Variants in ARAP1 observed in about 807,000 individuals in gnomAD.
ARAP1 encodes ArfGAP with RhoGAP domain, ankyrin repeat and PH domain 1.
ARAP1 carries 76 observed loss-of-function variants against 172.2 expected under a neutral mutation model. The observed-to-expected ratio is 0.44, with a 90% CI of 0.37 to 0.53. The LOEUF (loss-of-function observed/expected upper bound fraction) is 0.53. Ranked by LOEUF, ARAP1 falls within the 20% of genes least tolerant of loss-of-function variation. ARAP1 has a pLI of 0.00. For synonymous variants in ARAP1, 804 were observed against 803.3 expected, an observed-to-expected ratio of 1.00 and a Z score of -0.01; for missense variants, 1,686 against 1,977.5, an observed-to-expected ratio of 0.85 and a Z score of 2.80.
intron 1 of ARAP1, among the ~76,000 whole-genome samples, chr11:72,751,644 G>A (rs1387616952): frequency 6.6e-6 from 1 of 152,036 alleles, no homozygotes; most frequent in Admixed American, 6.5e-5. Flanking sequence ...AGGCTCCCCA[G>A]GATATGGGAT....
Position 72,735,027 on chromosome 11 carries a change from C to T in ARAP1, c.-127-2430G>A, listed in dbSNP as rs553136613. Among the ~76,000 whole-genome samples, 3 of 152,208 alleles carry T rather than the reference C, an allele frequency of 2.0e-5. No individual in the cohort carries two copies. In the East Asian group the frequency reaches 5.8e-4, roughly 30 times the overall value. The stretch of plus-strand genomic sequence containing the variant: ...ACAGGGTCTCGCTCTGTCACCCAGG[C>T]TGGAGTGCAGTGGCACAATCTCTGC... On this transcript the variant is annotated intron_variant, in intron 1 of 34. Coordinates refer to ENST00000393609, the MANE Select transcript of ARAP1 (RefSeq NM_001040118.3).
chr11:72,694,223 G>A (rs1856073367), intron 27 of ARAP1, among the ~76,000 whole-genome samples: 1 of 151,734 alleles, frequency 6.6e-6, no homozygotes, highest in Non-Finnish European at 1.5e-5. Flanking sequence ...CCTTCTCCTT[G>A]GACGAAACCA....
At chr11:72,700,079 A>ACT (rs1856409694) in intron 16 of ARAP1, 1 of 162,746 alleles carries the variant, frequency 6.1e-6, no homozygotes, top group Non-Finnish European at 1.4e-5. Flanking sequence ...GCTCTGAAGG[A>ACT]CTGGCAAGGT....
At chr11:72,712,693 T>C in intron 5 of ARAP1, 125 bp from the exon 6 acceptor site, 1 of 1,460,006 alleles carries the variant, frequency 6.8e-7, no homozygotes, top group Non-Finnish European at 9.4e-7. Context: ...TTAGTTCTGT[T>C]TCCTCACACT....
rs1240095492 is a variant in ARAP1 at position 72,699,770 on chromosome 11, CAG to C, written c.2303-220_2303-219del. 6.6e-6 allele frequency among the ~76,000 whole-genome samples: 1 copy of C among 152,196 alleles called. No homozygotes were observed. Among genetic ancestry groups the C allele is most frequent in the Non-Finnish European group, 1.5e-5 (1 of 68,036 alleles). ...TCTGCAGCAGCCCCTTCCAAAATCC[CAG>C]AGTGATCTAGCTAAAATCAGACCCC... On this transcript the variant is annotated intron_variant, in intron 16 of 34. Coordinates refer to ENST00000393609, the MANE Select transcript of ARAP1 (RefSeq NM_001040118.3). This position sits in a 1 kb window ranked among gnomAD's most constrained non-coding sequence, Gnocchi z 4.2.
rs900222960 is a variant in ARAP1 at position 72,696,473 on chromosome 11, G to A, written c.3272+76C>T. ...AAAAGCCCAGCTGGCTCCCAGAGGA[G>A]GGTAGTCAGCCAGGGTGGGGGTAGA... On this transcript the variant is annotated intron_variant, in intron 23 of 34. Transcript: ENST00000393609. 1.7e-5 allele frequency: 21 copies of A among 1,214,634 alleles called. No individual in the cohort carries two copies. The Admixed American group carries it at 5.8e-4, about 33-fold the overall frequency. The allele number at this position is 1,214,634 out of a possible 1,614,324, so 75.2% of individuals were successfully genotyped here. A position where few individuals can be genotyped will look rare whatever the true frequency, so the allele number is the denominator to read the frequency against.
intron 1 of ARAP1, among the ~76,000 whole-genome samples, chr11:72,750,050 T>C (rs1323114979): frequency 6.6e-6 from 1 of 152,154 alleles, no homozygotes; most frequent in Non-Finnish European, 1.5e-5. Flanking sequence ...GGTCTCTAAG[T>C]GTCCATGGCC....
chr11:72,685,737 C>T (rs1671118668), intron 34 of ARAP1, 56 bp from the exon 35 acceptor site: 2 of 1,610,630 alleles, frequency 1.2e-6, no homozygotes, highest in Non-Finnish European at 8.5e-7. Flanking sequence ...GGGGCTGGCG[C>T]CCCGCTGAAG....
chr11:72,727,825 A>G lies in ARAP1; in HGVS notation c.-44-653T>C, dbSNP rs79341755. On this transcript the variant is annotated intron_variant, in intron 2 of 34. Coordinates refer to ENST00000393609, the MANE Select transcript of ARAP1 (RefSeq NM_001040118.3). Reference sequence around the variant, plus strand: ...CCATTCATCCATTTGTTCTTTCAAAATAGCCTGGCACTAGGCAATGGGGAC... The same window carrying G: ...CCATTCATCCATTTGTTCTTTCAAAGTAGCCTGGCACTAGGCAATGGGGAC... Among the ~76,000 whole-genome samples the G allele has an allele frequency of 7.1e-3, 1,082 of 152,362 alleles. 16 individuals are homozygous for G. The highest frequency in any genetic ancestry group is 0.024 in the African/African-American group (1,018 of 41,580).
intron 22 of ARAP1, 83 bp from the exon 23 acceptor site, chr11:72,696,737 G>T: frequency 8.4e-7 from 1 of 1,183,916 alleles, no homozygotes; most frequent in Non-Finnish European, 1.2e-6. Flanking sequence ...GCCTCTCATG[G>T]TGGGTGACAG....
Position 72,686,225 on chromosome 11 carries a change from T to C in ARAP1, c.4186-34A>G, listed in dbSNP as rs1162886355. 1.1e-5 allele frequency: 17 copies of C among 1,595,364 alleles called. No individual in the cohort carries two copies. In the South Asian group the frequency reaches 1.7e-4, roughly 16 times the overall value. On this transcript the variant is annotated intron_variant, in intron 33 of 34. Coordinates refer to ENST00000393609, the MANE Select transcript of ARAP1 (RefSeq NM_001040118.3). Reference sequence around the variant, plus strand: ...CAGAGAGGAAGGGGCTGGGCTCAGCTTCAGTTCACCCAGACACTCAGCCTC... The same window carrying C: ...CAGAGAGGAAGGGGCTGGGCTCAGCCTCAGTTCACCCAGACACTCAGCCTC...
At position 72,702,902 on chromosome 11, in the gene ARAP1, C is replaced by G. The variant is rs757161584; in HGVS notation, c.2167+3G>C. The G allele has an allele frequency of 2.0e-5, 31 of 1,552,848 alleles. No individual in the cohort carries two copies. The African/African-American group carries it at 4.1e-4, about 21-fold the overall frequency. ...GTGGACCCCCACCCTCTGCCACGCT[C>G]ACCTGTGGTCCGGTTGTTCCGAAGG... is the stretch of plus-strand genomic sequence containing the variant. On this transcript the variant is annotated splice_donor_region_variant and intron_variant, in intron 15 of 34. Transcript: ENST00000393609.
At position 72,694,043 on chromosome 11, in the gene ARAP1, C is replaced by T. The variant is rs907501381; in HGVS notation, c.3695-238G>A. Among the ~76,000 whole-genome samples the T allele has an allele frequency of 5.9e-5, 9 of 152,050 alleles. No individual in the cohort carries two copies. The East Asian group carries it at 9.7e-4, about 16-fold the overall frequency. On this transcript the variant is annotated intron_variant, in intron 27 of 34. Coordinates refer to ENST00000393609, the MANE Select transcript of ARAP1 (RefSeq NM_001040118.3). ...TGTGCAAAACCATGCCCATGATCTC[C>T]ACCCCCTGCCTCCCATCCCACCCTC... is the stretch of plus-strand genomic sequence containing the variant.
intron 34 of ARAP1, 133 bp downstream of exon 34, chr11:72,685,909 C>A: frequency 6.5e-7 from 1 of 1,537,392 alleles, no homozygotes; most frequent in Non-Finnish European, 9.0e-7. Flanking sequence ...ATGAGGGCCC[C>A]CACCAAGGCT....
In ARAP1 at chr11:72,697,153, G is replaced by A. The variant is rs147000405; in HGVS notation, c.2996C>T (p.Ser999Leu). The A allele has an allele frequency of 1.9e-6, 3 of 1,604,496 alleles. No homozygotes were observed. Among genetic ancestry groups the A allele is most frequent in the African/African-American group, 1.3e-5 (1 of 74,924 alleles). The change falls in exon 22 of 35, where the codon TCG becomes TTG. Residue 999 changes from serine to leucine, a missense_variant. This residue lies in a region of ARAP1 where 274 missense variants were observed against 262.7 expected (regional missense o/e 1.04). Transcript: ENST00000393609. ...GCTCTCCAGCAGCCGCTGTGTCTTC[G>A]ATGTCTGCCCACACTTGCGGTAGAT... ...EGIYRKCGQTSKTQRLLESLR... is the reference protein window; with the variant it reads ...EGIYRKCGQTLKTQRLLESLR...
At chr11:72,723,667 A>T (rs1857598291) in intron 3 of ARAP1, among the ~76,000 whole-genome samples, 1 of 152,192 alleles carries the variant, frequency 6.6e-6, no homozygotes, top group Non-Finnish European at 1.5e-5. Flanking sequence ...CTGGGTGCTG[A>T]GTCACATGCG....
At chr11:72,721,921 G>C in intron 3 of ARAP1, 1 of 986,276 alleles carries the variant, frequency 1.0e-6, no homozygotes, top group Non-Finnish European at 1.2e-6. Context: ...GTATGCCCAA[G>C]AATGTCGTGT....
rs1217793924 is a variant in ARAP1 at position 72,695,288 on chromosome 11, C to G, written c.3576+99G>C. 1 of 1,528,136 alleles carries G rather than the reference C, an allele frequency of 6.5e-7. No individual in the cohort carries two copies. Among genetic ancestry groups the G allele is most frequent in the Non-Finnish European group, 9.0e-7 (1 of 1,109,376 alleles). The allele number at this position is 1,528,136 out of a possible 1,614,324, so 94.7% of individuals were successfully genotyped here. Reference sequence around the variant, plus strand: ...GCCAGATACAGGTCCCAAACTGGTCCTCTCCTCGGGGTAGAAGCACTGCTC... The same window carrying G: ...GCCAGATACAGGTCCCAAACTGGTCGTCTCCTCGGGGTAGAAGCACTGCTC... On this transcript the variant is annotated intron_variant, in intron 26 of 34. Coordinates refer to ENST00000393609, the MANE Select transcript of ARAP1 (RefSeq NM_001040118.3). This position sits in a 1 kb window ranked among gnomAD's most constrained non-coding sequence, Gnocchi z 4.4.
chr11:72,726,402 C>A lies in ARAP1; in HGVS notation c.509+218G>T, dbSNP rs1373396075. On this transcript the variant is annotated intron_variant, in intron 3 of 34. Coordinates refer to ENST00000393609, the MANE Select transcript of ARAP1 (RefSeq NM_001040118.3). The surrounding 1 kb of genome is among the most constrained non-coding windows in gnomAD (Gnocchi z 6.5). ...CAGAAACCTGGAGGCCTCACTGGCA[C>A]ACGCCCAGCAGCCCAGGCACTGCGC... is the stretch of plus-strand genomic sequence containing the variant. Among the ~76,000 whole-genome samples the A allele has an allele frequency of 6.6e-6, 1 of 152,184 alleles. No homozygotes were observed. The highest frequency in any genetic ancestry group is 1.5e-5 in the Non-Finnish European group (1 of 68,038).
Sources: allele counts gnomAD v4.1 joint callset (sites outside exome capture counted in the v4.1 genomes callset), GRCh38; gene constraint gnomAD v4.1.1; regional missense constraint gnomAD v4.1.1; non-coding constraint Gnocchi (gnomAD v3.1); transcripts MANE v1.5; gene names NCBI Gene and HGNC (gene_info 2026-07-23, HGNC 2026-07-21).